The following SEMA3E variants were observed in gnomAD, a reference collection of about 807,000 sequenced individuals.
SEMA3E encodes semaphorin-3E.
SEMA3E carries 49 observed loss-of-function variants against 93.6 expected under a neutral mutation model. The ratio of observed to expected loss-of-function variants is 0.52; its 90% confidence interval spans 0.42 to 0.66. SEMA3E has a LOEUF of 0.66. SEMA3E is among the 30% of genes least tolerant of loss of function. SEMA3E has a pLI of 0.00. For synonymous variants in SEMA3E, 363 were observed against 330.7 expected, an observed-to-expected ratio of 1.10 and a Z score of -1.06; for missense variants, 906 against 964.8, an observed-to-expected ratio of 0.94 and a Z score of 0.81.
At chr7:83,608,078 G>A (rs1047897129) in intron 1 of SEMA3E, among the ~76,000 whole-genome samples, 1 of 151,972 alleles carries the variant, frequency 6.6e-6, no homozygotes, top group African/African-American at 2.4e-5. Flanking sequence ...TGGGCATGGT[G>A]ACATGCACCT....
chr7:83,574,339 G>A (rs1476541871), intron 1 of SEMA3E, among the ~76,000 whole-genome samples: 3 of 151,922 alleles, frequency 2.0e-5, no homozygotes, highest in African/African-American at 7.3e-5. Flanking sequence ...AAAAGAAAAT[G>A]ATATGGCATA....
chr7:83,443,201 T>C (rs547079643), intron 4 of SEMA3E, among the ~76,000 whole-genome samples: 55 of 152,252 alleles, frequency 3.6e-4, no homozygotes, highest in African/African-American at 1.3e-3. Flanking sequence ...ACAGGACCTT[T>C]CTGACATGGT....
intron 4 of SEMA3E, among the ~76,000 whole-genome samples, chr7:83,430,833 TTAAAG>T (rs1271720298): frequency 6.6e-6 from 1 of 152,194 alleles, no homozygotes; most frequent in South Asian, 2.1e-4. Context: ...ATCCCAGGAC[TTAAAG>T]TAAAATAAAA....
At chr7:83,589,884 G>T (rs1317040126) in intron 1 of SEMA3E, among the ~76,000 whole-genome samples, 1 of 151,878 alleles carries the variant, frequency 6.6e-6, no homozygotes. Context: ...ATGCATGCTT[G>T]GTCTAAAAAC....
intron 4 of SEMA3E, among the ~76,000 whole-genome samples, chr7:83,453,290 A>G (rs1007739899): frequency 2.0e-5 from 3 of 152,124 alleles, no homozygotes; most frequent in African/African-American, 7.2e-5. Context: ...TTGACTTCCC[A>G]AAGTGCTGGG....
At chr7:83,620,651 G>A (rs1793534870) in intron 1 of SEMA3E, among the ~76,000 whole-genome samples, 1 of 152,054 alleles carries the variant, frequency 6.6e-6, no homozygotes, top group Admixed American at 6.6e-5. Flanking sequence ...TATCCACTAT[G>A]ATAAACTTGG....
At chr7:83,495,422 T>C (rs571448660) in intron 1 of SEMA3E, among the ~76,000 whole-genome samples, 29 of 151,920 alleles carry the variant, frequency 1.9e-4, no homozygotes, top group South Asian at 6.2e-4. Flanking sequence ...CCATAAGAAA[T>C]TCATAGAAAT....
chr7:83,526,950 C>G (rs1370687645), intron 1 of SEMA3E, among the ~76,000 whole-genome samples: 1 of 151,536 alleles, frequency 6.6e-6, no homozygotes, highest in Non-Finnish European at 1.5e-5. Flanking sequence ...ATGTTCAAGC[C>G]CCAACCCCCA....
At chr7:83,622,459 G>A (rs42011) in intron 1 of SEMA3E, among the ~76,000 whole-genome samples, 93,986 of 151,944 alleles carry the variant, frequency 0.62, 29,582 homozygotes, top group African/African-American at 0.73. Context: ...ATACCATTTG[G>A]CCCAGCAATT....
At chr7:83,612,572 A>G (rs942507168) in intron 1 of SEMA3E, 1 of 152,138 alleles carries the variant, frequency 6.6e-6, no homozygotes, top group Non-Finnish European at 1.5e-5. Context: ...AAGCAAATAA[A>G]AATACCTGCT....
intron 1 of SEMA3E, among the ~76,000 whole-genome samples, chr7:83,568,283 C>T (rs1263899307): frequency 6.6e-6 from 1 of 152,028 alleles, no homozygotes; most frequent in African/African-American, 2.4e-5. Context: ...GCTCCACTGC[C>T]AAATTCTATC....
chr7:83,587,385 C>A (rs542373097), intron 1 of SEMA3E, among the ~76,000 whole-genome samples: 1 of 152,186 alleles, frequency 6.6e-6, no homozygotes, highest in East Asian at 1.9e-4. Context: ...CATACCAGTT[C>A]ATTTTACAGA....
chr7:83,541,788 A>G lies in SEMA3E; in HGVS notation c.116-51514T>C, dbSNP rs57123629. Among the ~76,000 whole-genome samples the G allele has an allele frequency of 1.6e-3, 249 of 152,240 alleles. 1 individual carries two copies. Among genetic ancestry groups the G allele is most frequent in the African/African-American group, 5.5e-3 (228 of 41,552 alleles). ...TGTAAGTTCTTGAGCGTCAGACCTC[A>G]AGGGATGCTGGCTGAAACACACAGA... On this transcript the variant is annotated intron_variant, in intron 1 of 16. Coordinates refer to ENST00000643230, the MANE Select transcript of SEMA3E (RefSeq NM_012431.3).
chr7:83,551,987 G>T (rs1415586076), intron 1 of SEMA3E, among the ~76,000 whole-genome samples: 1 of 152,094 alleles, frequency 6.6e-6, no homozygotes, highest in Non-Finnish European at 1.5e-5. Flanking sequence ...ATTTTTAATT[G>T]TCACAATGTC....
chr7:83,598,562 G>A (rs138712045), intron 1 of SEMA3E, among the ~76,000 whole-genome samples: 46 of 152,302 alleles, frequency 3.0e-4, no homozygotes, highest in African/African-American at 1.0e-3. Flanking sequence ...TATCAATGGT[G>A]AGTCGATGCT....
At chr7:83,518,507 A>G (rs1280308420) in intron 1 of SEMA3E, among the ~76,000 whole-genome samples, 1 of 152,118 alleles carries the variant, frequency 6.6e-6, no homozygotes, top group East Asian at 1.9e-4. Context: ...ATCTAATCTC[A>G]TCTTCTTACT....
chr7:83,428,786 T>C (rs1196890273), intron 4 of SEMA3E, among the ~76,000 whole-genome samples: 1 of 152,186 alleles, frequency 6.6e-6, no homozygotes. Context: ...TATCATACAT[T>C]AAAATTTAGG....
intron 1 of SEMA3E, among the ~76,000 whole-genome samples, chr7:83,512,348 A>G (rs1165105629): frequency 1.3e-5 from 2 of 152,216 alleles, no homozygotes; most frequent in Admixed American, 6.5e-5. Context: ...AGCTGTATGT[A>G]CACTGTTAAA....
chr7:83,456,908 C>T (rs1046504381), intron 4 of SEMA3E, among the ~76,000 whole-genome samples: 1 of 152,136 alleles, frequency 6.6e-6, no homozygotes, highest in African/African-American at 2.4e-5. Context: ...GCCACTGTGC[C>T]TAGCCACGAC....
Sources: gnomAD v4.1 joint callset for allele counts (sites outside exome capture counted in the v4.1 genomes callset) on GRCh38, gnomAD v4.1.1 for gene constraint, MANE v1.5 for transcripts, NCBI Gene and HGNC (gene_info 2026-07-23, HGNC 2026-07-21) for gene names.